Variants in NOL7 observed in about 807,000 individuals in gnomAD.
The protein encoded by NOL7 is nucleolar protein 7, also known as U3 small nucleolar RNA-associated protein NOL7.
A neutral mutation model predicts 38.4 loss-of-function variants in NOL7; 36 were observed. That is an observed-to-expected ratio of 0.94 (90% CI 0.72 to 1.24). The LOEUF (loss-of-function observed/expected upper bound fraction) is 1.24. Ranked by LOEUF, NOL7 falls within the 50% of genes most tolerant of loss-of-function variation. NOL7 has a pLI of 0.00. For missense variants in NOL7, 350 were observed against 315.1 expected (o/e 1.11, Z -0.84); for synonymous variants, 142 against 126.5 (o/e 1.12, Z -0.82).
In NOL7 at chr6:13,618,157, T is replaced by A. The variant is rs767933519; in HGVS notation, c.500+18T>A. 7.3e-7 allele frequency: 1 copy of A among 1,371,790 alleles called. No individual in the cohort carries two copies. Among genetic ancestry groups the A allele is most frequent in the Non-Finnish European group, 1.0e-6 (1 of 969,906 alleles). 85.0% of individuals were successfully genotyped at this position (1,371,790 alleles called of 1,614,324 possible). On this transcript the variant is annotated intron_variant, in intron 5 of 7. Coordinates refer to ENST00000451315, the MANE Select transcript of NOL7 (RefSeq NM_016167.5). The stretch of plus-strand genomic sequence containing the variant: ...TCTGTCAGGTAATGAGTCTTTTGTT[T>A]CATTTGGGATGTAAAGGAGACCTTT...
At position 13,628,392 on chromosome 6, in the gene NOL7, G is replaced by A. The variant is rs1188448430; in HGVS notation, n.574-4001G>A. 2.0e-5 allele frequency among the ~76,000 whole-genome samples: 3 copies of A among 152,122 alleles called. No homozygotes were observed. The East Asian group carries it at 5.8e-4, about 29-fold the overall frequency. On this transcript the variant is annotated intron_variant and non_coding_transcript_variant, in intron 8 of 8. Coordinates refer to the NOL7 transcript ENST00000474485. ...TATTGACTTAATACATGCAAACTCAGGCTGAGAGAAAGGAGAAAAAAGCAT... is the reference window on the plus strand; with the variant it reads ...TATTGACTTAATACATGCAAACTCAAGCTGAGAGAAAGGAGAAAAAAGCAT...
At chr6:13,616,205 ACT>A (rs1488980711) in intron 2 of NOL7, among the ~76,000 whole-genome samples, 1 of 152,192 alleles carries the variant, frequency 6.6e-6, no homozygotes, top group African/African-American at 2.4e-5. Flanking sequence ...ACATTACTTA[ACT>A]GCTTTCAATT....
chr6:13,616,933 A>G (rs1378888577), intron 3 of NOL7, among the ~76,000 whole-genome samples: 1 of 152,126 alleles, frequency 6.6e-6, no homozygotes, highest in Non-Finnish European at 1.5e-5. Context: ...TCCCCACTTC[A>G]TTTAGCATCT....
At chr6:13,629,925 T>TC (rs1430693678) in intron 8 of NOL7, among the ~76,000 whole-genome samples, 6 of 143,804 alleles carry the variant, frequency 4.2e-5, no homozygotes, top group African/African-American at 1.3e-4. Flanking sequence ...CTCTCTCGTG[T>TC]GTGTGTGTGT....
At chr6:13,615,858 T>C (rs942471722) in intron 2 of NOL7, 86 bp downstream of exon 2, 1 of 1,340,338 alleles carries the variant, frequency 7.5e-7, no homozygotes, top group Non-Finnish European at 1.0e-6. Context: ...GTTGGCAGGA[T>C]ATTGGAGTGG....
chr6:13,632,250 G>C lies in NOL7; in HGVS notation n.574-143G>C, dbSNP rs1257952834. 5 of 841,712 alleles carry C rather than the reference G, an allele frequency of 5.9e-6. No homozygotes were observed. The African/African-American group carries it at 9.0e-5, about 15-fold the overall frequency. 52.1% of individuals were successfully genotyped at this position (841,712 alleles called of 1,614,324 possible). On this transcript the variant is annotated intron_variant and non_coding_transcript_variant, in intron 8 of 8. Coordinates refer to the NOL7 transcript ENST00000474485. ...CCACTCTCAGATGGGCAAGGAGCCA[G>C]GGGGAAGGTCAGGTCCCAGTTCCCT...
chr6:13,626,686 T>C (rs115228683), downstream of NOL7, among the ~76,000 whole-genome samples: 1 of 151,888 alleles, frequency 6.6e-6, no homozygotes, highest in Non-Finnish European at 1.5e-5. Flanking sequence ...ACATGGAGAG[T>C]TGCTGCAGAA....
downstream of NOL7, chr6:13,625,777 C>T (rs1350417924): frequency 2.6e-6 from 4 of 1,544,494 alleles, no homozygotes; most frequent in East Asian, 2.2e-5. Context: ...GTTGAAAACA[C>T]ATCGATTTGG....
At chr6:13,619,646 G>A (rs759274042) in intron 5 of NOL7, among the ~76,000 whole-genome samples, 1 of 152,120 alleles carries the variant, frequency 6.6e-6, no homozygotes, top group African/African-American at 2.4e-5. Context: ...TTGACTTTTG[G>A]TTTTAGTATA....
downstream of NOL7, among the ~76,000 whole-genome samples, chr6:13,623,465 G>C (rs1483104065): frequency 6.6e-6 from 1 of 152,086 alleles, no homozygotes; most frequent in Admixed American, 6.6e-5. Flanking sequence ...GCAAATTCAG[G>C]ACTTAAAGGT....
intron 8 of NOL7, among the ~76,000 whole-genome samples, chr6:13,629,614 G>C (rs541253385): frequency 8.5e-5 from 13 of 152,156 alleles, no homozygotes; most frequent in African/African-American, 3.1e-4. Flanking sequence ...AGTTACTAAA[G>C]GGTCCTTGCA....
downstream of NOL7, chr6:13,621,799 T>C (rs1284264714): frequency 6.6e-6 from 1 of 152,660 alleles, no homozygotes; most frequent in Non-Finnish European, 1.5e-5. Context: ...AGGTCGGGAT[T>C]GTAAGTAGCA....
chr6:13,629,258 G>T (rs1156306817), intron 8 of NOL7, among the ~76,000 whole-genome samples: 2 of 152,014 alleles, frequency 1.3e-5, no homozygotes. Flanking sequence ...TTACAGATGT[G>T]GGCCACCACA....
chr6:13,620,133 A>T, intron 5 of NOL7, 75 bp from the exon 6 acceptor site: 1 of 1,475,890 alleles, frequency 6.8e-7, no homozygotes. Context: ...ACAGAGCGAG[A>T]CTCTGTCTCA....
downstream of NOL7, chr6:13,622,548 C>T (rs1235977736): frequency 3.0e-5 from 45 of 1,482,270 alleles, no homozygotes; most frequent in Non-Finnish European, 4.0e-5. Context: ...TTTTAAAAAA[C>T]ATTTCAATCA....
rs1355156743 is a variant in NOL7 at position 13,615,393 on chromosome 6, C to G, written c.35C>G (p.Pro12Arg). ...VQLRPRASRA[P>R]ASAEAMVDEG... ...CTCCGACCGCGAGCGTCTCGCGCCC[C>G]GGCGTCGGCGGAGGCGATGGTGGAC... The change falls in exon 1 of 8, where the codon CCG (proline) becomes CGG (arginine). Residue 12 changes from proline to arginine, a missense_variant. Coordinates refer to ENST00000451315, the MANE Select transcript of NOL7 (RefSeq NM_016167.5). The G allele has an allele frequency of 6.5e-7, 1 of 1,528,676 alleles. No individual in the cohort carries two copies. The highest frequency in any genetic ancestry group is 8.8e-7 in the Non-Finnish European group (1 of 1,139,108). The allele number at this position is 1,528,676 out of a possible 1,614,324, so 94.7% of individuals were successfully genotyped here. A position where few individuals can be genotyped will look rare whatever the true frequency, so the allele number is the denominator to read the frequency against.
At chr6:13,617,712 C>T in intron 3 of NOL7, 58 bp from the exon 4 acceptor site, 3 of 1,519,910 alleles carry the variant, frequency 2.0e-6, no homozygotes, top group East Asian at 4.5e-5. Flanking sequence ...AATAATATAA[C>T]ATGTTTTGAG....
Position 13,620,224 on chromosome 6 carries a change from T to C in NOL7, c.517T>C (p.Leu173=), listed in dbSNP as rs1391038205. Residue 173 remains leucine, a synonymous_variant, in exon 6 of 8, where the codon TTG becomes CTG. Coordinates refer to ENST00000451315, the MANE Select transcript of NOL7 (RefSeq NM_016167.5). ...VQSVSQNKSY[L]AVRLKDQDLR... ...GATCAACAGCCAGAATAAAAGCTAC[T>C]TGGCCGTAAGGCTAAAAGACCAAGA... 4 of 1,612,894 alleles carry C rather than the reference T, an allele frequency of 2.5e-6. No homozygotes were observed. The highest frequency in any genetic ancestry group is 1.1e-5 in the South Asian group (1 of 90,970).
rs1764449415 is a variant in NOL7 at position 13,621,645 on chromosome 6, A to C, written c.*818A>C. The C allele has an allele frequency of 6.6e-6, 1 of 152,642 alleles. No individual in the cohort carries two copies. The highest frequency in any genetic ancestry group is 1.5e-5 in the Non-Finnish European group (1 of 68,020). 9.5% of individuals were successfully genotyped at this position (152,642 alleles called of 1,614,324 possible). A position where few individuals can be genotyped will look rare whatever the true frequency, so the allele number is the denominator to read the frequency against. On this transcript the variant is annotated 3_prime_UTR_variant, in exon 8 of 8. Coordinates refer to ENST00000451315, the MANE Select transcript of NOL7 (RefSeq NM_016167.5). ...GACTAAATATTTGGTTTTTATATAA[A>C]TAAAGGTCATAACCACACCGTTGAC...
Sources: allele counts gnomAD v4.1 joint callset (sites outside exome capture counted in the v4.1 genomes callset), GRCh38; gene constraint gnomAD v4.1.1; transcripts MANE v1.5; gene names NCBI Gene and HGNC (gene_info 2026-07-23, HGNC 2026-07-21).